Variants in AK8 observed in about 807,000 individuals in gnomAD.
The protein encoded by AK8 is ATP-AMP transphosphorylase 8.
A neutral mutation model predicts 54.6 loss-of-function variants in AK8; 44 were observed. The ratio of observed to expected loss-of-function variants is 0.81; its 90% CI spans 0.63 to 1.04. The LOEUF is 1.04. Ranked by LOEUF, AK8 falls within the 50% of genes least tolerant of loss-of-function variation. The pLI, the probability that AK8 is intolerant of heterozygous loss-of-function variation, is 0.00. For synonymous variants in AK8, 239 were observed against 245.6 expected (o/e 0.97, Z 0.25); for missense variants, 555 against 613.6 (o/e 0.90, Z 1.01).
intron 10 of AK8, among the ~76,000 whole-genome samples, chr9:132,797,821 G>A (rs1006605880): frequency 1.3e-5 from 2 of 152,194 alleles, no homozygotes; most frequent in African/African-American, 4.8e-5. Flanking sequence ...GCCATGGGCG[G>A]CTCTCCCTTT....
At chr9:132,787,537 C>T (rs1279386742) in intron 11 of AK8, among the ~76,000 whole-genome samples, 3 of 152,154 alleles carry the variant, frequency 2.0e-5, no homozygotes, top group Admixed American at 6.5e-5. Context: ...AGAATAGACA[C>T]TTTCAGATAG....
chr9:132,743,504 G>T (rs902917325), intron 11 of AK8, among the ~76,000 whole-genome samples: 4 of 152,200 alleles, frequency 2.6e-5, no homozygotes, highest in African/African-American at 9.6e-5. Context: ...CAGCACTGTC[G>T]CTACCCACCG....
chr9:132,878,184 G>C lies in AK8; in HGVS notation c.72C>G (p.Phe24Leu). 6.7e-7 allele frequency: 1 copy of C among 1,492,602 alleles called. No individual in the cohort carries two copies. Among genetic ancestry groups the C allele is most frequent in the East Asian group, 2.4e-5 (1 of 41,250 alleles). The allele number at this position is 1,492,602 out of a possible 1,614,324, so 92.5% of individuals were successfully genotyped here. ...GGTGTCCGGTCACCTGCATCAACTC[G>C]AAGATGTGGTTCTCCTCCCCGTACT... ...MPQYGEENHI[F>L]ELMQNMLEQL... The change falls in exon 1 of 13, where the codon TTC (phenylalanine) becomes TTG (leucine). Residue 24 changes from phenylalanine (F) to leucine (L), a missense_variant. By Grantham distance (22) the Phe-to-Leu change is conservative. Transcript: ENST00000298545. This position sits in a 1 kb window ranked among gnomAD's most constrained non-coding sequence, Gnocchi z 4.7.
intron 11 of AK8, among the ~76,000 whole-genome samples, chr9:132,759,894 T>G (rs1336638377): frequency 6.6e-6 from 1 of 152,192 alleles, no homozygotes; most frequent in Non-Finnish European, 1.5e-5. Flanking sequence ...TGATAAATTT[T>G]TAACTCTTTG....
intron 11 of AK8, among the ~76,000 whole-genome samples, chr9:132,750,097 C>T (rs1837838729): frequency 1.3e-5 from 2 of 150,956 alleles, no homozygotes; most frequent in South Asian, 2.1e-4. Context: ...GGCTTCTTGG[C>T]CTCTCTGTGC....
chr9:132,735,199 C>T (rs531154433), intron 11 of AK8, among the ~76,000 whole-genome samples: 112 of 144,286 alleles, frequency 7.8e-4, no homozygotes, highest in Admixed American at 3.1e-3. Context: ...AACTGGGATC[C>T]CCTGACCCAC....
chr9:132,743,371 C>T lies in AK8; in HGVS notation c.1122-15837G>A, dbSNP rs183037188. The stretch of plus-strand genomic sequence containing the variant: ...CACTGGAAACAGGGCAGTGGAGACA[C>T]GGGTAGGTGTGCTAATTTTGAGGTT... On this transcript the variant is annotated intron_variant, in intron 11 of 12. Transcript: ENST00000298545. Among the ~76,000 whole-genome samples, 282 of 152,338 alleles carry T rather than the reference C, an allele frequency of 1.9e-3. 4 individuals are homozygous for T. In the Middle Eastern group the frequency reaches 0.02, roughly 11 times the overall value.
intron 11 of AK8, among the ~76,000 whole-genome samples, chr9:132,729,365 C>T (rs1836724039): frequency 6.6e-6 from 1 of 152,196 alleles, no homozygotes; most frequent in Non-Finnish European, 1.5e-5. Context: ...ATGTCAAGTG[C>T]ATGGCTGAGG....
intron 11 of AK8, among the ~76,000 whole-genome samples, chr9:132,787,599 A>G (rs2131150583): frequency 6.6e-6 from 1 of 152,324 alleles, no homozygotes; most frequent in African/African-American, 2.4e-5. Flanking sequence ...TCAGGAAGTT[A>G]CTGATAGATG....
chr9:132,774,261 T>TG (rs1839109419), intron 11 of AK8, among the ~76,000 whole-genome samples: 1 of 151,510 alleles, frequency 6.6e-6, no homozygotes, highest in African/African-American at 2.4e-5. Flanking sequence ...CTCCTGCTCA[T>TG]GGGGGGGTTG....
In AK8 at chr9:132,803,715, A is replaced by T. The variant is rs563327521; in HGVS notation, c.979+10923T>A. ...AACCAAGTCTGTGTGATTCTGAGCC[A>T]CGGCCCCTCCCATCTGGGAGTGACA... On this transcript the variant is annotated intron_variant, in intron 10 of 12. Coordinates refer to ENST00000298545, the MANE Select transcript of AK8 (RefSeq NM_152572.3). This position sits in a 1 kb window ranked among gnomAD's most constrained non-coding sequence, Gnocchi z 4.4. Among the ~76,000 whole-genome samples, 1 of 152,256 alleles carries T rather than the reference A, an allele frequency of 6.6e-6. No homozygotes were observed. Among genetic ancestry groups the T allele is most frequent in the Non-Finnish European group, 1.5e-5 (1 of 68,014 alleles).
intron 1 of AK8, among the ~76,000 whole-genome samples, chr9:132,876,098 T>C (rs1844084001): frequency 6.6e-6 from 1 of 151,914 alleles, no homozygotes; most frequent in Non-Finnish European, 1.5e-5. Flanking sequence ...CCTCTTGGAG[T>C]GAAGGGAGTG....
At chr9:132,783,352 T>A (rs1176647158) in intron 11 of AK8, among the ~76,000 whole-genome samples, 2 of 152,202 alleles carry the variant, frequency 1.3e-5, no homozygotes, top group African/African-American at 4.8e-5. Flanking sequence ...GGCAGTGCCA[T>A]GATTTTTAGA....
intron 11 of AK8, among the ~76,000 whole-genome samples, chr9:132,786,818 C>G (rs1216386751): frequency 1.3e-5 from 2 of 152,030 alleles, no homozygotes; most frequent in East Asian, 3.8e-4. Flanking sequence ...TCAATAGAAA[C>G]TGGTTATGCA....
intron 2 of AK8, among the ~76,000 whole-genome samples, chr9:132,871,919 A>C (rs904585472): frequency 2.0e-5 from 3 of 152,266 alleles, no homozygotes; most frequent in African/African-American, 7.2e-5. Flanking sequence ...TGAAAATTAA[A>C]GCTGCACACA....
At chr9:132,842,850 C>T (rs530546655) in intron 5 of AK8, among the ~76,000 whole-genome samples, 3 of 152,346 alleles carry the variant, frequency 2.0e-5, no homozygotes, top group African/African-American at 7.2e-5. Flanking sequence ...TCCGGTTTCT[C>T]GCTTGCTAGG....
chr9:132,727,604 G>C (rs1836637215), intron 11 of AK8, 70 bp from the exon 12 acceptor site: 1 of 1,446,936 alleles, frequency 6.9e-7, no homozygotes, highest in Admixed American at 1.8e-5. Flanking sequence ...GACATCCTGG[G>C]GTCTTGAGAA....
At chr9:132,814,167 T>C (rs930358987) in intron 10 of AK8, among the ~76,000 whole-genome samples, 3 of 149,554 alleles carry the variant, frequency 2.0e-5, no homozygotes, top group Non-Finnish European at 4.4e-5. Flanking sequence ...TAGTCCCAGC[T>C]ACTTGGGAGG....
At position 132,803,886 on chromosome 9, in the gene AK8, C is replaced by T. The variant is rs951566872; in HGVS notation, c.979+10752G>A. 6.6e-5 allele frequency among the ~76,000 whole-genome samples: 10 copies of T among 152,070 alleles called. No homozygotes were observed. Among genetic ancestry groups the T allele is most frequent in the Admixed American group, 4.6e-4 (7 of 15,282 alleles). On this transcript the variant is annotated intron_variant, in intron 10 of 12. Transcript: ENST00000298545. The surrounding 1 kb of genome is among the most constrained non-coding windows in gnomAD (Gnocchi z 4.4). ...CAGCACTTTGGGAGGCCGAGGCTGG[C>T]GGATCACGAGGTCAAGAGATGGAGA...
Sources: allele counts gnomAD v4.1 joint callset (sites outside exome capture counted in the v4.1 genomes callset), GRCh38; gene constraint gnomAD v4.1.1; non-coding constraint Gnocchi (gnomAD v3.1); transcripts MANE v1.5; gene names NCBI Gene and HGNC (gene_info 2026-07-23, HGNC 2026-07-21).